COPS3: variants seen among roughly 807,000 people sequenced by gnomAD.
COPS3 encodes COP9 signalosome subunit 3, also known as COP9 signalosome complex subunit 3.
A neutral mutation model predicts 58.2 loss-of-function variants in COPS3; 10 were observed. The ratio of observed to expected loss-of-function variants is 0.17; its 90% CI spans 0.11 to 0.29. The LOEUF (loss-of-function observed/expected upper bound fraction) is 0.29. Ranked by LOEUF, COPS3 falls within the 10% of genes least tolerant of loss-of-function variation. The probability of loss-of-function intolerance (pLI) is 1.00; values close to 1 mark genes in which losing one functional copy is unlikely to be tolerated. For synonymous variants in COPS3, 187 were observed against 181.7 expected (o/e 1.03, Z -0.24); for missense variants, 333 against 510.1 (o/e 0.65, Z 3.34).
Position 17,262,202 on chromosome 17 carries a change from C to CT in COPS3, c.622-97dup, listed in dbSNP as rs1399893530. On this transcript the variant is annotated intron_variant, in intron 6 of 11. Transcript: ENST00000268717. ...TCACATTAATTATAAGTCAATAATA[C>CT]TTTTTAAATGTCCCATTATTTTTAT... The CT allele has an allele frequency of 4.5e-6, 5 of 1,117,244 alleles. No homozygotes were observed. The African/African-American group carries it at 8.1e-5, about 18-fold the overall frequency. The allele number at this position is 1,117,244 out of a possible 1,614,324, so 69.2% of individuals were successfully genotyped here.
At chr17:17,247,636 A>C in intron 10 of COPS3, 76 bp from the exon 11 acceptor site, 5 of 1,420,134 alleles carry the variant, frequency 3.5e-6, no homozygotes, top group Non-Finnish European at 4.9e-6. Flanking sequence ...TACACTGTTC[A>C]CAAGGGTGCT....
intron 4 of COPS3, 73 bp downstream of exon 4, chr17:17,270,685 G>T: frequency 7.5e-7 from 1 of 1,332,214 alleles, no homozygotes. Flanking sequence ...CTGGAATCTT[G>T]ATAAAGTAAT....
intron 9 of COPS3, among the ~76,000 whole-genome samples, chr17:17,253,913 C>A (rs2047903989): frequency 1.3e-5 from 2 of 152,044 alleles, no homozygotes; most frequent in Non-Finnish European, 2.9e-5. Context: ...ATTGTTTGAA[C>A]CCTGGAGGTG....
intron 6 of COPS3, 149 bp downstream of exon 6, chr17:17,264,653 T>C (rs549248569): frequency 3.2e-6 from 2 of 620,876 alleles, no homozygotes; most frequent in Non-Finnish European, 5.5e-6. Context: ...GTTACCACTA[T>C]TTACATGATC....
At chr17:17,260,639 A>T (rs2048073321) in intron 7 of COPS3, 165 bp from the exon 8 acceptor site, 4 of 555,734 alleles carry the variant, frequency 7.2e-6, no homozygotes, top group Non-Finnish European at 1.3e-5. Flanking sequence ...CCCCGTCTCT[A>T]CTAAAAATAC....
chr17:17,268,851 A>AT lies in COPS3; in HGVS notation c.349-875_349-874insA, dbSNP rs1555620157. Among the ~76,000 whole-genome samples, 1,171 of 149,056 alleles carry AT rather than the reference A, an allele frequency of 7.9e-3. 6 individuals carry two copies. Among genetic ancestry groups the AT allele is most frequent in the Middle Eastern group, 0.031 (9 of 290 alleles). On this transcript the variant is annotated intron_variant, in intron 4 of 11. Transcript: ENST00000268717. ...CAACAACAACAACAACAACAACAAAAATATATATATATATATGTGAAGAGA... is the reference window on the plus strand; with the variant it reads ...CAACAACAACAACAACAACAACAAAATATATATATATATATATGTGAAGAGA...
At chr17:17,261,899 A>G in intron 7 of COPS3, 67 bp downstream of exon 7, 1 of 1,389,636 alleles carries the variant, frequency 7.2e-7, no homozygotes, top group Non-Finnish European at 9.9e-7. Flanking sequence ...ACAGAACTGT[A>G]TCATTGCAAT....
At chr17:17,279,520 A>G (rs1438681517) in intron 1 of COPS3, among the ~76,000 whole-genome samples, 1 of 152,184 alleles carries the variant, frequency 6.6e-6, no homozygotes, top group Non-Finnish European at 1.5e-5. Context: ...TCTATTAATA[A>G]AAAGGAAAAA....
At position 17,251,710 on chromosome 17, in the gene COPS3, C is replaced by A. The variant is rs190035302; in HGVS notation, c.1024-2671G>T. On this transcript the variant is annotated intron_variant, in intron 9 of 11. Coordinates refer to ENST00000268717, the MANE Select transcript of COPS3 (RefSeq NM_003653.4). Reference sequence around the variant, plus strand: ...ACTCTCACAATGCTGAGCCAAAAAACCAGATTCCCAGAAAGAATGTGCTGT... The same window carrying A: ...ACTCTCACAATGCTGAGCCAAAAAAACAGATTCCCAGAAAGAATGTGCTGT... 1.4e-4 allele frequency among the ~76,000 whole-genome samples: 22 copies of A among 152,270 alleles called. No homozygotes were observed. The East Asian group carries it at 3.7e-3, about 25-fold the overall frequency.
rs2048326317 is a variant in COPS3, at chr17:17,270,815, C to T, written c.299-8G>A. 6.2e-7 allele frequency: 1 copy of T among 1,600,278 alleles called. No individual in the cohort carries two copies. Among genetic ancestry groups the T allele is most frequent in the Non-Finnish European group, 8.5e-7 (1 of 1,172,564 alleles). Reference sequence around the variant, plus strand: ...GATGGCAAAGCCCAGCAACTAGATACAATAACAAAATATTCAAAATATAAA... The same window carrying T: ...GATGGCAAAGCCCAGCAACTAGATATAATAACAAAATATTCAAAATATAAA... On this transcript the variant is annotated splice_polypyrimidine_tract_variant and splice_region_variant and intron_variant, in intron 3 of 11. Coordinates refer to ENST00000268717, the MANE Select transcript of COPS3 (RefSeq NM_003653.4).
chr17:17,276,731 G>A (rs1244016853), intron 1 of COPS3, among the ~76,000 whole-genome samples: 1 of 151,916 alleles, frequency 6.6e-6, no homozygotes, highest in African/African-American at 2.4e-5. Context: ...ACTGCACCTG[G>A]CTAATTTTTT....
chr17:17,270,590 T>C (rs190057574), intron 4 of COPS3, among the ~76,000 whole-genome samples, 168 bp downstream of exon 4: 3 of 152,130 alleles, frequency 2.0e-5, no homozygotes, highest in Admixed American at 2.0e-4. Context: ...ATTCAGGGGA[T>C]GCGGGGACTG....
intron 1 of COPS3, 155 bp from the exon 2 acceptor site, chr17:17,276,319 T>A: frequency 1.2e-6 from 1 of 856,750 alleles, no homozygotes; most frequent in Non-Finnish European, 1.8e-6. Context: ...ACCAGAGGAG[T>A]GAAACAACCT....
At chr17:17,250,541 C>A in intron 9 of COPS3, among the ~76,000 whole-genome samples, 1 of 152,154 alleles carries the variant, frequency 6.6e-6, no homozygotes, top group East Asian at 1.9e-4. Flanking sequence ...TCTTCCGATT[C>A]TTCAAGAAAA....
intron 8 of COPS3, among the ~76,000 whole-genome samples, chr17:17,259,553 C>T (rs1015977417): frequency 1.3e-5 from 2 of 152,102 alleles, no homozygotes; most frequent in Non-Finnish European, 2.9e-5. Flanking sequence ...AAAGTTTGTA[C>T]AACCCTGGCC....
chr17:17,250,536 C>T (rs1209534316), intron 9 of COPS3, among the ~76,000 whole-genome samples: 2 of 152,120 alleles, frequency 1.3e-5, no homozygotes, highest in African/African-American at 2.4e-5. Context: ...AACTATCTTC[C>T]GATTCTTCAA....
chr17:17,280,445 A>T (rs1419764399), intron 1 of COPS3: 2 of 686,152 alleles, frequency 2.9e-6, no homozygotes, highest in African/African-American at 4.0e-5. Context: ...CTGTAATCTC[A>T]GCTACTCGGG....
At chr17:17,270,325 G>GA (rs564766122) in intron 4 of COPS3, among the ~76,000 whole-genome samples, 9 of 146,838 alleles carry the variant, frequency 6.1e-5, no homozygotes, top group African/African-American at 1.2e-4. Flanking sequence ...AAGAGGAAGA[G>GA]AAAAAAAAAA....
At position 17,280,915 on chromosome 17, in the gene COPS3, G is replaced by A. The variant is rs115261570; in HGVS notation, c.55+217C>T. On this transcript the variant is annotated intron_variant, in intron 1 of 11. Coordinates refer to ENST00000268717, the MANE Select transcript of COPS3 (RefSeq NM_003653.4). ...AGGGGGCTCCCGGCGGCCCGAGGGAGGGGAGGCCGGCCGGCGAGGACAGCG... is the reference window on the plus strand; with the variant it reads ...AGGGGGCTCCCGGCGGCCCGAGGGAAGGGAGGCCGGCCGGCGAGGACAGCG... The A allele has an allele frequency of 0.011, 9,948 of 887,118 alleles. 467 individuals are homozygous for A. In the African/African-American group the frequency reaches 0.12, roughly 11 times the overall value. The allele number at this position is 887,118 out of a possible 1,614,324, so 55.0% of individuals were successfully genotyped here.
Sources: allele counts gnomAD v4.1 joint callset (sites outside exome capture counted in the v4.1 genomes callset), GRCh38; gene constraint gnomAD v4.1.1; transcripts MANE v1.5; gene names NCBI Gene and HGNC (gene_info 2026-07-23, HGNC 2026-07-21).